The following KCTD8 variants were observed in gnomAD, a reference collection of about 807,000 sequenced individuals.
The protein encoded by KCTD8 is potassium channel tetramerization domain containing 8.
In KCTD8, 27 loss-of-function variants were observed where a neutral mutation model predicts 31.5. The observed-to-expected ratio is 0.86, with a 90% CI of 0.63 to 1.18. KCTD8 has a LOEUF of 1.18. KCTD8 is among the 50% of genes most tolerant of loss of function. KCTD8 has a pLI of 0.00. For synonymous variants in KCTD8, 290 were observed against 280.0 expected (o/e 1.04, Z -0.36); for missense variants, 658 against 647.7 (o/e 1.02, Z -0.17).
At chr4:44,410,998 T>G (rs1371463065) in intron 1 of KCTD8, among the ~76,000 whole-genome samples, 3 of 152,182 alleles carry the variant, frequency 2.0e-5, no homozygotes, top group African/African-American at 7.2e-5. Context: ...GGGTTACATT[T>G]AATAGATTTT....
chr4:44,311,432 C>T (rs1233470836), intron 1 of KCTD8, among the ~76,000 whole-genome samples: 1 of 152,012 alleles, frequency 6.6e-6, no homozygotes. Context: ...AAAAATTGTT[C>T]ATTCAACCTC....
chr4:44,237,214 G>A (rs561039503), intron 1 of KCTD8, among the ~76,000 whole-genome samples: 17 of 152,056 alleles, frequency 1.1e-4, no homozygotes, highest in Non-Finnish European at 1.3e-4. Context: ...GGAGCAATAT[G>A]GGAGGAATCC....
At chr4:44,235,576 T>TATATATATATA (rs1560402134) in intron 1 of KCTD8, among the ~76,000 whole-genome samples, 46 of 56,796 alleles carry the variant, frequency 8.1e-4, no homozygotes, top group South Asian at 1.3e-3. Context: ...TATATATATA[T>TATATATATATA]TTAGAGAGAG....
intron 1 of KCTD8, among the ~76,000 whole-genome samples, chr4:44,188,012 CA>C (rs760998181): frequency 6.7e-4 from 97 of 145,338 alleles, no homozygotes; most frequent in South Asian, 2.2e-3. Flanking sequence ...CATGCACACA[CA>C]AAAAAAAAAC....
At chr4:44,254,317 A>G (rs1291305557) in intron 1 of KCTD8, among the ~76,000 whole-genome samples, 3 of 151,932 alleles carry the variant, frequency 2.0e-5, no homozygotes, top group African/African-American at 7.2e-5. Flanking sequence ...CAAAGAAAGT[A>G]TTGGGTCCAG....
chr4:44,336,766 TAAAC>T (rs980594651), intron 1 of KCTD8, among the ~76,000 whole-genome samples: 12 of 151,978 alleles, frequency 7.9e-5, no homozygotes, highest in Non-Finnish European at 1.2e-4. Context: ...TCCTGAATAA[TAAAC>T]AATAAATGTA....
At chr4:44,384,506 TA>T (rs982225187) in intron 1 of KCTD8, among the ~76,000 whole-genome samples, 90 of 151,998 alleles carry the variant, frequency 5.9e-4, no homozygotes, top group African/African-American at 2.1e-3. Flanking sequence ...TGGAAAACAT[TA>T]TGTTAAGTGA....
chr4:44,216,912 A>C (rs1338557661), intron 1 of KCTD8, among the ~76,000 whole-genome samples: 2 of 152,092 alleles, frequency 1.3e-5, no homozygotes, highest in Non-Finnish European at 2.9e-5. Flanking sequence ...TTGTCAAAGG[A>C]GATGCATCTT....
At chr4:44,246,460 T>G (rs753071383) in intron 1 of KCTD8, among the ~76,000 whole-genome samples, 16 of 152,098 alleles carry the variant, frequency 1.1e-4, no homozygotes, top group Admixed American at 6.6e-4. Flanking sequence ...CATACCTAAT[T>G]TCTCCTAAAT....
At chr4:44,186,104 A>C (rs987379931) in intron 1 of KCTD8, among the ~76,000 whole-genome samples, 15 of 152,160 alleles carry the variant, frequency 9.9e-5, no homozygotes, top group Non-Finnish European at 1.5e-5. Context: ...TAAAAACCCC[A>C]AGACCCTAGC....
chr4:44,405,023 C>T (rs1030889157), intron 1 of KCTD8, among the ~76,000 whole-genome samples: 19 of 152,088 alleles, frequency 1.2e-4, no homozygotes, highest in African/African-American at 4.3e-4. Context: ...TAGATAACTG[C>T]AATTTAATTT....
intron 1 of KCTD8, among the ~76,000 whole-genome samples, chr4:44,294,332 C>T (rs1352073611): frequency 6.6e-6 from 1 of 152,126 alleles, no homozygotes; most frequent in Non-Finnish European, 1.5e-5. Context: ...GCCTATGAGC[C>T]ACCAAAGCAC....
intron 1 of KCTD8, among the ~76,000 whole-genome samples, chr4:44,339,907 T>C (rs926610094): frequency 6.6e-6 from 1 of 152,072 alleles, no homozygotes; most frequent in African/African-American, 2.4e-5. Context: ...TTGTACACAA[T>C]ACAACAATGT....
chr4:44,378,820 T>C (rs1719986784), intron 1 of KCTD8, among the ~76,000 whole-genome samples: 1 of 152,180 alleles, frequency 6.6e-6, no homozygotes, highest in African/African-American at 2.4e-5. Context: ...CATAGAAATG[T>C]ATTATTGTAT....
intron 1 of KCTD8, among the ~76,000 whole-genome samples, chr4:44,390,467 A>G (rs533409106): frequency 6.6e-6 from 1 of 151,858 alleles, no homozygotes; most frequent in East Asian, 1.9e-4. Context: ...CCTTATTTCT[A>G]AGTTCTCTAT....
chr4:44,304,536 A>C (rs1717743379), intron 1 of KCTD8, among the ~76,000 whole-genome samples: 1 of 152,146 alleles, frequency 6.6e-6, no homozygotes, highest in Admixed American at 6.5e-5. Flanking sequence ...TAAAGGGAAT[A>C]ATAAGCTGTG....
intron 1 of KCTD8, among the ~76,000 whole-genome samples, chr4:44,338,527 A>C (rs1455879452): frequency 1.3e-5 from 2 of 152,186 alleles, no homozygotes; most frequent in African/African-American, 4.8e-5. Context: ...TTCTGTAGGA[A>C]TATCTTAATA....
chr4:44,353,688 C>T (rs925707773), intron 1 of KCTD8, among the ~76,000 whole-genome samples: 1 of 152,040 alleles, frequency 6.6e-6, no homozygotes, highest in African/African-American at 2.4e-5. Flanking sequence ...TTTTACCTCC[C>T]ACATATTAGT....
chr4:44,318,495 A>T (rs2109404377), intron 1 of KCTD8, among the ~76,000 whole-genome samples: 1 of 152,324 alleles, frequency 6.6e-6, no homozygotes, highest in Admixed American at 6.5e-5. Flanking sequence ...ACTTAAAAAA[A>T]ATGTTTTACT....
Sources: gnomAD v4.1 joint callset for allele counts (sites outside exome capture counted in the v4.1 genomes callset) on GRCh38, gnomAD v4.1.1 for gene constraint, MANE v1.5 for transcripts, NCBI Gene and HGNC (gene_info 2026-07-23, HGNC 2026-07-21) for gene names.